HPSE2: variants seen among roughly 807,000 people sequenced by gnomAD.
HPSE2 encodes heparanase 2 (inactive), also known as inactive heparanase-2.
In HPSE2, 38 loss-of-function variants were observed where a neutral mutation model predicts 60.5. The ratio of observed to expected loss-of-function variants is 0.63; its 90% CI spans 0.48 to 0.82. The LOEUF (loss-of-function observed/expected upper bound fraction) is 0.82. Ranked by LOEUF, HPSE2 falls within the 40% of genes least tolerant of loss-of-function variation. HPSE2 has a pLI of 0.00. For missense variants in HPSE2, 713 were observed against 740.4 expected (o/e 0.96, Z 0.43); for synonymous variants, 295 against 293.2 (o/e 1.01, Z -0.06).
chr10:99,164,655 T>C (rs1846993777), intron 2 of HPSE2, among the ~76,000 whole-genome samples: 1 of 152,164 alleles, frequency 6.6e-6, no homozygotes, highest in Non-Finnish European at 1.5e-5. Flanking sequence ...GATGTACACA[T>C]ATAATATCTA....
In HPSE2 at chr10:98,668,792, A is replaced by G. The variant is rs141064496; in HGVS notation, c.1004+25108T>C. 7.3e-4 allele frequency among the ~76,000 whole-genome samples: 111 copies of G among 152,342 alleles called. 1 individual carries two copies. The highest frequency in any genetic ancestry group is 2.6e-3 in the African/African-American group (107 of 41,590). Reference sequence around the variant, plus strand: ...AGATTTAAATGTAATACCTCAAACTATAAAAGTCCTAAAGAAAATGTAGGA... The same window carrying G: ...AGATTTAAATGTAATACCTCAAACTGTAAAAGTCCTAAAGAAAATGTAGGA... On this transcript the variant is annotated intron_variant, in intron 6 of 11. Transcript: ENST00000370552.
intron 9 of HPSE2, among the ~76,000 whole-genome samples, chr10:98,567,617 C>A (rs1012905389): frequency 2.0e-5 from 3 of 152,134 alleles, no homozygotes; most frequent in African/African-American, 7.2e-5. Context: ...TATTCCTTGT[C>A]ATCACCTCCA....
intron 2 of HPSE2, among the ~76,000 whole-genome samples, chr10:99,206,011 G>A (rs927068579): frequency 3.5e-4 from 53 of 152,170 alleles, no homozygotes; most frequent in African/African-American, 1.3e-3. Context: ...GGTGATGCTG[G>A]AAGTGCTCCC....
chr10:98,484,934 C>G (rs1411596048), intron 10 of HPSE2, among the ~76,000 whole-genome samples: 3 of 152,030 alleles, frequency 2.0e-5, no homozygotes, highest in African/African-American at 7.2e-5. Context: ...TGAGAGGAAA[C>G]AGAAAAAAAT....
rs1953421940 is a variant in HPSE2, at chr10:98,894,328, G to T, written c.611-150272C>A. On this transcript the variant is annotated intron_variant, in intron 3 of 11. Transcript: ENST00000370552. ...ATATTTCAGATATTGAAATTATCAG[G>T]TACAGAATATGACAAACATGTTTTC... 2.6e-5 allele frequency among the ~76,000 whole-genome samples: 4 copies of T among 152,224 alleles called. No homozygotes were observed. The South Asian group carries it at 8.3e-4, about 32-fold the overall frequency.
At chr10:98,820,637 C>T (rs536572513) in intron 3 of HPSE2, among the ~76,000 whole-genome samples, 1 of 152,158 alleles carries the variant, frequency 6.6e-6, no homozygotes, top group East Asian at 1.9e-4. Flanking sequence ...ATCATCAGCT[C>T]TCTTTCTTCA....
intron 9 of HPSE2, among the ~76,000 whole-genome samples, chr10:98,541,159 C>A (rs759392923): frequency 1.2e-4 from 18 of 152,126 alleles, no homozygotes; most frequent in Non-Finnish European, 2.5e-4. Context: ...AAGGCTTTAA[C>A]CTTATGCTAT....
the HPSE2 span, among the ~76,000 whole-genome samples, chr10:99,308,197 G>A: frequency 6.6e-6 from 1 of 151,602 alleles, no homozygotes; most frequent in Non-Finnish European, 1.5e-5. Context: ...AGATTAGCCT[G>A]GCCAACATGG....
intron 3 of HPSE2, among the ~76,000 whole-genome samples, chr10:98,869,867 T>C (rs1020474211): frequency 6.6e-6 from 1 of 152,096 alleles, no homozygotes; most frequent in Non-Finnish European, 1.5e-5. Flanking sequence ...ATTATTCAAT[T>C]ATTACAATAG....
intron 2 of HPSE2, among the ~76,000 whole-genome samples, chr10:99,195,455 G>GA (rs1404741343): frequency 5.3e-5 from 8 of 151,142 alleles, no homozygotes; most frequent in Admixed American, 3.3e-4. Flanking sequence ...CTTATATTTG[G>GA]AAAAAAACAA....
chr10:98,511,838 G>A (rs1385979610), intron 9 of HPSE2, among the ~76,000 whole-genome samples: 1 of 152,198 alleles, frequency 6.6e-6, no homozygotes, highest in Non-Finnish European at 1.5e-5. Context: ...TGCTGCAGGT[G>A]CATGAGCTTG....
At chr10:99,242,574 T>C in the HPSE2 span, among the ~76,000 whole-genome samples, 3 of 152,212 alleles carry the variant, frequency 2.0e-5, no homozygotes, top group African/African-American at 7.2e-5. Context: ...TACTCATGTC[T>C]TAGTTACACC....
intron 9 of HPSE2, among the ~76,000 whole-genome samples, chr10:98,537,061 T>A (rs1330256028): frequency 1.3e-5 from 2 of 152,014 alleles, no homozygotes; most frequent in African/African-American, 4.8e-5. Context: ...GTGTAGAAAA[T>A]GGATTGAAAG....
intron 9 of HPSE2, among the ~76,000 whole-genome samples, chr10:98,544,434 G>A (rs1471476061): frequency 6.6e-6 from 1 of 152,030 alleles, no homozygotes; most frequent in African/African-American, 2.4e-5. Flanking sequence ...GAGAAGGCCG[G>A]GCGCGGTGGC....
At chr10:99,070,909 C>T (rs1337343492) in intron 3 of HPSE2, among the ~76,000 whole-genome samples, 3 of 152,020 alleles carry the variant, frequency 2.0e-5, no homozygotes, top group Non-Finnish European at 4.4e-5. Flanking sequence ...ATTCATCTAC[C>T]CATCAATGGA....
At chr10:98,990,113 T>C (rs920724775) in intron 3 of HPSE2, among the ~76,000 whole-genome samples, 2 of 152,196 alleles carry the variant, frequency 1.3e-5, no homozygotes, top group African/African-American at 4.8e-5. Context: ...TGCCACCAGA[T>C]GCAGCTGTAC....
chr10:98,656,931 T>G (rs1947084945), intron 6 of HPSE2, among the ~76,000 whole-genome samples: 1 of 152,010 alleles, frequency 6.6e-6, no homozygotes, highest in Non-Finnish European at 1.5e-5. Context: ...CCGGCTAATT[T>G]TTGGTATTTT....
intron 3 of HPSE2, among the ~76,000 whole-genome samples, chr10:99,133,399 A>G (rs973927868): frequency 1.3e-5 from 2 of 152,218 alleles, no homozygotes; most frequent in African/African-American, 4.8e-5. Flanking sequence ...TAAGGGTCAG[A>G]CTGCCGCCTC....
chr10:98,852,165 GTATA>G (rs67500258), intron 3 of HPSE2, among the ~76,000 whole-genome samples: 21,011 of 118,446 alleles, frequency 0.18, 2,146 homozygotes, highest in South Asian at 0.33. Context: ...GTGTGTGTGT[GTATA>G]TATGTTTGGT....
Sources: gnomAD v4.1 joint callset for allele counts (sites outside exome capture counted in the v4.1 genomes callset) on GRCh38, gnomAD v4.1.1 for gene constraint, MANE v1.5 for transcripts, NCBI Gene and HGNC (gene_info 2026-07-23, HGNC 2026-07-21) for gene names.